The following UNC5D variants were observed in gnomAD, a reference collection of about 807,000 sequenced individuals.
UNC5D encodes the protein unc-5 netrin receptor D, also known as netrin receptor UNC5D.
UNC5D carries 39 observed loss-of-function variants against 105.4 expected under a neutral mutation model. The ratio of observed to expected loss-of-function variants is 0.37; its 90% confidence interval spans 0.29 to 0.48. The LOEUF is 0.48. Among genes scored for constraint, UNC5D ranks in the 20% least tolerant of loss-of-function variants. The pLI is 0.98. For missense variants in UNC5D, 991 were observed against 1,202.4 expected, an observed-to-expected ratio of 0.82 and a Z score of 2.60; for synonymous variants, 452 against 450.4, an observed-to-expected ratio of 1.00 and a Z score of -0.04.
chr8:35,284,197 G>T (rs1345590355), intron 1 of UNC5D, among the ~76,000 whole-genome samples: 2 of 152,054 alleles, frequency 1.3e-5, no homozygotes, highest in Admixed American at 1.3e-4. Flanking sequence ...TAAAAATTAT[G>T]CATATGAAAT....
chr8:35,408,611 T>A (rs1804957885), intron 1 of UNC5D, among the ~76,000 whole-genome samples: 1 of 151,874 alleles, frequency 6.6e-6, no homozygotes, highest in African/African-American at 2.4e-5. Context: ...TGGGTTATTT[T>A]GTGTGTATGT....
intron 1 of UNC5D, among the ~76,000 whole-genome samples, chr8:35,463,008 A>C (rs2129688045): frequency 6.6e-6 from 1 of 152,346 alleles, no homozygotes; most frequent in Non-Finnish European, 1.5e-5. Context: ...ACTCTTATGT[A>C]ATCCTTCCCA....
chr8:35,572,928 C>T (rs1351029143), intron 3 of UNC5D, among the ~76,000 whole-genome samples: 1 of 151,944 alleles, frequency 6.6e-6, no homozygotes, highest in Non-Finnish European at 1.5e-5. Context: ...CTCAGCCTCC[C>T]ACGCAGCTGG....
intron 1 of UNC5D, among the ~76,000 whole-genome samples, chr8:35,295,208 G>T (rs1201237943): frequency 6.6e-6 from 1 of 152,156 alleles, no homozygotes; most frequent in Non-Finnish European, 1.5e-5. Context: ...TGTGTTATCT[G>T]TAAGTGTTTG....
chr8:35,283,753 G>T (rs1806376067), intron 1 of UNC5D, among the ~76,000 whole-genome samples: 1 of 151,612 alleles, frequency 6.6e-6, no homozygotes, highest in East Asian at 1.9e-4. Context: ...GCAGTGAGCT[G>T]AGATTGCGCC....
chr8:35,273,012 C>T (rs1321152888), intron 1 of UNC5D, among the ~76,000 whole-genome samples: 1 of 152,154 alleles, frequency 6.6e-6, no homozygotes, highest in Non-Finnish European at 1.5e-5. Flanking sequence ...CTGGTCTAAG[C>T]AATTGCTCTA....
chr8:35,418,090 T>G (rs1389539951), intron 1 of UNC5D, among the ~76,000 whole-genome samples: 1 of 152,110 alleles, frequency 6.6e-6, no homozygotes, highest in East Asian at 1.9e-4. Flanking sequence ...GCAGAGTGAG[T>G]GAGCTTTGAA....
chr8:35,492,201 A>G (rs780794887), intron 1 of UNC5D, among the ~76,000 whole-genome samples: 19 of 152,058 alleles, frequency 1.2e-4, no homozygotes, highest in Middle Eastern at 3.4e-3. Context: ...GGTCAAATGC[A>G]ACAGATAGCT....
chr8:35,663,002 C>T (rs565385430), intron 4 of UNC5D, among the ~76,000 whole-genome samples: 7 of 152,294 alleles, frequency 4.6e-5, no homozygotes, highest in Admixed American at 2.0e-4. Context: ...TAATGCCTGA[C>T]GATCTGAGGT....
intron 1 of UNC5D, among the ~76,000 whole-genome samples, chr8:35,470,870 G>T (rs1356575413): frequency 6.6e-6 from 1 of 152,092 alleles, no homozygotes; most frequent in Non-Finnish European, 1.5e-5. Flanking sequence ...CAGCTTAGCA[G>T]CATTGGGTGA....
intron 1 of UNC5D, among the ~76,000 whole-genome samples, chr8:35,456,072 C>A (rs1353460743): frequency 6.6e-6 from 1 of 152,104 alleles, no homozygotes; most frequent in Non-Finnish European, 1.5e-5. Context: ...ACCTACTTGG[C>A]CTGCCTAATT....
At chr8:35,374,415 A>G (rs1802580933) in intron 1 of UNC5D, among the ~76,000 whole-genome samples, 1 of 152,210 alleles carries the variant, frequency 6.6e-6, no homozygotes. Context: ...CTATGAAAGC[A>G]GTCTCCTTAA....
chr8:35,607,354 G>A (rs1820361551), intron 4 of UNC5D, among the ~76,000 whole-genome samples: 1 of 152,172 alleles, frequency 6.6e-6, no homozygotes, highest in African/African-American at 2.4e-5. Flanking sequence ...AACAGCAGAA[G>A]TTTATTTTCC....
chr8:35,247,640 A>T lies in UNC5D; in HGVS notation c.103+11753A>T, dbSNP rs1162332479. The stretch of plus-strand genomic sequence containing the variant: ...ATATATAAAATATATATAATATATA[A>T]ATATATATTATATATAAAATATATA... On this transcript the variant is annotated intron_variant, in intron 1 of 16. Coordinates refer to ENST00000404895, the MANE Select transcript of UNC5D (RefSeq NM_080872.4). Among the ~76,000 whole-genome samples the T allele has an allele frequency of 3.2e-4, 20 of 61,912 alleles. 1 individual carries two copies. Among genetic ancestry groups the T allele is most frequent in the African/African-American group, 1.2e-3 (18 of 14,470 alleles). The allele number at this position is 61,912 out of a possible 152,430, so 40.6% of individuals were successfully genotyped here.
chr8:35,317,290 G>C (rs1298839468), intron 1 of UNC5D, among the ~76,000 whole-genome samples: 1 of 152,110 alleles, frequency 6.6e-6, no homozygotes, highest in African/African-American at 2.4e-5. Context: ...AAAGAAGTCT[G>C]TTTGCTGATA....
chr8:35,407,710 G>T (rs1379861800), intron 1 of UNC5D, among the ~76,000 whole-genome samples: 2 of 151,928 alleles, frequency 1.3e-5, no homozygotes, highest in African/African-American at 4.8e-5. Flanking sequence ...CCTCTGAAAG[G>T]CTCCAGTGTG....
chr8:35,441,494 G>T (rs1288523546), intron 1 of UNC5D, among the ~76,000 whole-genome samples: 1 of 151,766 alleles, frequency 6.6e-6, no homozygotes, highest in Non-Finnish European at 1.5e-5. Context: ...ACCCCCTGTA[G>T]ATAAGGGTGA....
At chr8:35,299,081 G>T (rs898688953) in intron 1 of UNC5D, among the ~76,000 whole-genome samples, 2 of 152,194 alleles carry the variant, frequency 1.3e-5, no homozygotes, top group African/African-American at 2.4e-5. Flanking sequence ...GTTCAGTGCA[G>T]TCAGGATGGT....
chr8:35,507,401 A>G (rs946395599), intron 1 of UNC5D, among the ~76,000 whole-genome samples: 1 of 151,594 alleles, frequency 6.6e-6, no homozygotes, highest in Admixed American at 6.6e-5. Flanking sequence ...GATATGGCTG[A>G]AATACTGTGG....
Sources: allele counts gnomAD v4.1 joint callset (sites outside exome capture counted in the v4.1 genomes callset), GRCh38; gene constraint gnomAD v4.1.1; transcripts MANE v1.5; gene names NCBI Gene and HGNC (gene_info 2026-07-23, HGNC 2026-07-21).